DCP1A: variants seen among roughly 807,000 people sequenced by gnomAD.
The protein encoded by DCP1A is decapping mRNA 1A.
In DCP1A, 20 loss-of-function variants were observed where a neutral mutation model predicts 58.0. The observed-to-expected ratio is 0.34, with a 90% CI of 0.24 to 0.50. The LOEUF is 0.50. Among genes scored for constraint, DCP1A ranks in the 20% least tolerant of loss-of-function variants. The pLI, the probability that DCP1A is intolerant of heterozygous loss-of-function variation, is 0.98. For synonymous variants in DCP1A, 285 were observed against 275.1 expected, an observed-to-expected ratio of 1.04 and a Z score of -0.36; for missense variants, 613 against 712.2, an observed-to-expected ratio of 0.86 and a Z score of 1.59.
At chr3:53,344,634 C>T (rs548927291) in intron 2 of DCP1A, among the ~76,000 whole-genome samples, 1 of 152,198 alleles carries the variant, frequency 6.6e-6, no homozygotes, top group African/African-American at 2.4e-5. Flanking sequence ...GGAAGAGAGA[C>T]GCAGGCATCC....
intron 1 of DCP1A, 60 bp from the exon 2 acceptor site, chr3:53,345,002 C>T: frequency 7.7e-7 from 1 of 1,296,764 alleles, no homozygotes; most frequent in Non-Finnish European, 1.1e-6. Flanking sequence ...CAAATAGTCC[C>T]CATGGAGAAG....
intron 7 of DCP1A, among the ~76,000 whole-genome samples, chr3:53,291,471 C>A (rs563068140): frequency 1.2e-3 from 177 of 152,006 alleles, no homozygotes; most frequent in Admixed American, 3.7e-3. Context: ...CCACCTCCCC[C>A]CACCTTCCCA....
At chr3:53,324,120 C>T (rs781960376) in intron 3 of DCP1A, among the ~76,000 whole-genome samples, 2 of 152,154 alleles carry the variant, frequency 1.3e-5, no homozygotes, top group African/African-American at 2.4e-5. Context: ...AGACACATGC[C>T]TTCTGCTTTT....
rs782308238 is a variant in DCP1A, at chr3:53,288,057, CTACA to C, written c.1668+4_1668+7del. 4.4e-6 allele frequency: 7 copies of C among 1,605,886 alleles called. No individual in the cohort carries two copies. Among genetic ancestry groups the C allele is most frequent in the Non-Finnish European group, 2.6e-6 (3 of 1,172,868 alleles). On this transcript the variant is annotated splice_donor_5th_base_variant and intron_variant, in intron 9 of 9. Transcript: ENST00000610213. ...AAAAATCAAAGATAAAATTGGTATC[CTACA>C]TACCTTTATTAGATGTATTAATGTA... is the stretch of plus-strand genomic sequence containing the variant.
rs782522010 is a variant in DCP1A at position 53,304,275 on chromosome 3, A to G, written c.526T>C (p.Ser176Pro). ...DEYERNQMGD[S>P]NISSPGLQPS... ...TGTAACCCAGGGCTGGAGATATTTG[A>G]GTCACCCATCTGATTCTTTAAAAAG... The change falls in exon 6 of 10, where the codon TCA (serine) becomes CCA (proline). Residue 176 changes from serine to proline, a missense_variant. Ser to Pro is a moderately conservative substitution (Grantham distance 74). Coordinates refer to ENST00000610213, the MANE Select transcript of DCP1A (RefSeq NM_018403.7). The G allele has an allele frequency of 3.1e-6, 5 of 1,612,654 alleles. No homozygotes were observed. Among genetic ancestry groups the G allele is most frequent in the Admixed American group, 1.7e-5 (1 of 59,672 alleles).
chr3:53,303,323 C>A (rs1575600234), intron 6 of DCP1A, among the ~76,000 whole-genome samples: 1 of 151,900 alleles, frequency 6.6e-6, no homozygotes, highest in South Asian at 2.1e-4. Flanking sequence ...CTGGAGTGCA[C>A]TGGTGCAATC....
chr3:53,322,064 C>T (rs1008468590), intron 3 of DCP1A, among the ~76,000 whole-genome samples: 18 of 152,102 alleles, frequency 1.2e-4, no homozygotes, highest in African/African-American at 4.1e-4. Context: ...AGAAAACCAC[C>T]GCTTTAAAAG....
At chr3:53,304,774 AG>A (rs1259172131) in intron 5 of DCP1A, among the ~76,000 whole-genome samples, 1 of 151,378 alleles carries the variant, frequency 6.6e-6, no homozygotes. Context: ...TAGTAGAGAC[AG>A]GGTTTCAGCA....
In DCP1A at chr3:53,304,306, A is replaced by T. The variant is rs782424226; in HGVS notation, c.511-16T>A. On this transcript the variant is annotated splice_polypyrimidine_tract_variant and intron_variant, in intron 5 of 9. Coordinates refer to ENST00000610213, the MANE Select transcript of DCP1A (RefSeq NM_018403.7). ...CCATCTGATTCTTTAAAAAGTTAAA[A>T]GAAAAAAATATATCTTGTGAAAAAA... 2 of 1,582,480 alleles carry T rather than the reference A, an allele frequency of 1.3e-6. No individual in the cohort carries two copies. Among genetic ancestry groups the T allele is most frequent in the Non-Finnish European group, 1.7e-6 (2 of 1,154,758 alleles).
intron 3 of DCP1A, among the ~76,000 whole-genome samples, chr3:53,328,689 T>C (rs1553690928): frequency 1.3e-5 from 2 of 152,234 alleles, no homozygotes; most frequent in Non-Finnish European, 2.9e-5. Context: ...ACCAGAATAC[T>C]AAGCAGCGCC....
At chr3:53,306,360 T>A (rs1707471669) in intron 5 of DCP1A, among the ~76,000 whole-genome samples, 1 of 152,192 alleles carries the variant, frequency 6.6e-6, no homozygotes, top group Non-Finnish European at 1.5e-5. Flanking sequence ...AACTGAATTA[T>A]ATTACAGAAA....
chr3:53,324,636 GA>G (rs1207545507), intron 3 of DCP1A, among the ~76,000 whole-genome samples: 1 of 152,222 alleles, frequency 6.6e-6, no homozygotes, highest in Non-Finnish European at 1.5e-5. Flanking sequence ...TTCTCAAGAT[GA>G]AAGAAACTAC....
At chr3:53,290,711 A>C in intron 8 of DCP1A, 80 bp downstream of exon 8, 1 of 1,128,466 alleles carries the variant, frequency 8.9e-7, no homozygotes, top group Non-Finnish European at 1.3e-6. Context: ...TCCTTGTTCT[A>C]CTCTTTCTAC....
At chr3:53,295,622 T>C (rs950779195) in intron 6 of DCP1A, among the ~76,000 whole-genome samples, 2 of 152,302 alleles carry the variant, frequency 1.3e-5, no homozygotes, top group Non-Finnish European at 2.9e-5. Flanking sequence ...TCACAGCTCA[T>C]GCAGCCTTGA....
intron 3 of DCP1A, among the ~76,000 whole-genome samples, chr3:53,320,303 A>G (rs768839071): frequency 1.3e-5 from 2 of 152,134 alleles, no homozygotes; most frequent in Non-Finnish European, 1.5e-5. Flanking sequence ...AGAAAGCCCT[A>G]AACAAACTTG....
At chr3:53,344,096 T>C (rs1369663794) in intron 2 of DCP1A, among the ~76,000 whole-genome samples, 1 of 152,016 alleles carries the variant, frequency 6.6e-6, no homozygotes, top group Non-Finnish European at 1.5e-5. Flanking sequence ...TTCTTTTAAA[T>C]TGGCATCAAT....
At position 53,347,411 on chromosome 3, in the gene DCP1A, T is replaced by C; in HGVS notation, c.107A>G (p.Tyr36Cys). 6.2e-7 allele frequency: 1 copy of C among 1,612,218 alleles called. No individual in the cohort carries two copies. The highest frequency in any genetic ancestry group is 8.5e-7 in the Non-Finnish European group (1 of 1,179,048). ...IADLTGQVAL[Y>C]TFCPKANQWE... ...CTGGTTGGCCTTGGGGCAGAAGGTG[T>C]ACAGAGCGACCTGGCCCGTGAGGTC... Residue 36 changes from tyrosine to cysteine, a missense_variant, in exon 1 of 10, where the codon TAC becomes TGC. This residue lies in a region of DCP1A where 65 missense variants were observed against 118.5 expected (regional missense o/e 0.55). Coordinates refer to ENST00000610213, the MANE Select transcript of DCP1A (RefSeq NM_018403.7).
At chr3:53,320,974 C>T (rs1553689883) in intron 3 of DCP1A, among the ~76,000 whole-genome samples, 1 of 152,256 alleles carries the variant, frequency 6.6e-6, no homozygotes, top group Non-Finnish European at 1.5e-5. Flanking sequence ...GCAGAAGTCC[C>T]CTGGCGGCCA....
intron 3 of DCP1A, among the ~76,000 whole-genome samples, chr3:53,334,860 G>A (rs781794085): frequency 2.0e-5 from 3 of 151,692 alleles, no homozygotes; most frequent in Admixed American, 6.6e-5. Flanking sequence ...AACTGCTGTT[G>A]TTTTTGTTGA....
Sources: gnomAD v4.1 joint callset for allele counts (sites outside exome capture counted in the v4.1 genomes callset) on GRCh38, gnomAD v4.1.1 for gene constraint, gnomAD v4.1.1 regional missense constraint, MANE v1.5 for transcripts, NCBI Gene and HGNC (gene_info 2026-07-23, HGNC 2026-07-21) for gene names.